Variants in PRKG1 observed in about 807,000 individuals in gnomAD.
PRKG1 encodes the protein protein kinase cGMP-dependent 1.
PRKG1 carries 35 observed loss-of-function variants against 88.1 expected under a neutral mutation model. That is an observed-to-expected ratio of 0.40 (90% confidence interval 0.30 to 0.53). PRKG1 has a LOEUF of 0.53. Ranked by LOEUF, PRKG1 falls within the 20% of genes least tolerant of loss-of-function variation. PRKG1 has a pLI of 0.59. For synonymous variants in PRKG1, 303 were observed against 292.5 expected (o/e 1.04, Z -0.37); for missense variants, 540 against 839.8 (o/e 0.64, Z 4.41).
In PRKG1 at chr10:51,616,113, C is replaced by T. The variant is rs12769516; in HGVS notation, c.592+148277C>T. Among the ~76,000 whole-genome samples the T allele has an allele frequency of 8.3e-3, 1,258 of 152,274 alleles. 15 individuals are homozygous for T. Among genetic ancestry groups the T allele is most frequent in the Non-Finnish European group, 0.013 (900 of 68,028 alleles). On this transcript the variant is annotated intron_variant, in intron 3 of 17. Coordinates refer to ENST00000373980, the MANE Select transcript of PRKG1 (RefSeq NM_006258.4). ...TATTTATTATTTCCTCAGTGACTTA[C>T]GATATGGTTATTATTGGAGGCTGTG...
chr10:51,434,726 T>G (rs565990655), intron 2 of PRKG1, among the ~76,000 whole-genome samples: 1 of 152,120 alleles, frequency 6.6e-6, no homozygotes, highest in Non-Finnish European at 1.5e-5. Flanking sequence ...ATGTTCAGAT[T>G]TATGGTTTCC....
chr10:51,107,176 G>C (rs1201023083), intron 1 of PRKG1, among the ~76,000 whole-genome samples: 1 of 152,118 alleles, frequency 6.6e-6, no homozygotes, highest in African/African-American at 2.4e-5. Flanking sequence ...GTAGGAACAA[G>C]CTTCGTGTAC....
chr10:51,057,472 G>A (rs1216611276), intron 1 of PRKG1, among the ~76,000 whole-genome samples: 4 of 152,088 alleles, frequency 2.6e-5, no homozygotes, highest in Non-Finnish European at 5.9e-5. Flanking sequence ...TCTTCAATGA[G>A]TTATCCTTAC....
chr10:51,759,567 C>G (rs1837965583), intron 3 of PRKG1, among the ~76,000 whole-genome samples: 1 of 152,168 alleles, frequency 6.6e-6, no homozygotes, highest in African/African-American at 2.4e-5. Flanking sequence ...AGACACCACG[C>G]CTGGCCTGAT....
At chr10:52,159,402 T>C (rs1033674765) in intron 8 of PRKG1, among the ~76,000 whole-genome samples, 3 of 151,518 alleles carry the variant, frequency 2.0e-5, no homozygotes, top group Non-Finnish European at 4.4e-5. Context: ...TGTTCGTTGT[T>C]TTTTAATGTG....
At chr10:51,943,249 C>T (rs1325502415) in intron 5 of PRKG1, among the ~76,000 whole-genome samples, 1 of 151,910 alleles carries the variant, frequency 6.6e-6, no homozygotes, top group African/African-American at 2.4e-5. Flanking sequence ...ATTTGGCTCT[C>T]TGTTTGTCTG....
intron 3 of PRKG1, among the ~76,000 whole-genome samples, chr10:51,797,047 A>C (rs1031158507): frequency 6.6e-6 from 1 of 151,986 alleles, no homozygotes; most frequent in African/African-American, 2.4e-5. Flanking sequence ...ATTATGAACA[A>C]AGGCATGGAG....
intron 2 of PRKG1, among the ~76,000 whole-genome samples, chr10:51,355,655 C>A (rs1168455689): frequency 6.6e-6 from 1 of 151,924 alleles, no homozygotes; most frequent in Non-Finnish European, 1.5e-5. Context: ...AAAGGATGCC[C>A]ACCCAGATTT....
chr10:51,591,480 C>T (rs989616747), intron 3 of PRKG1, among the ~76,000 whole-genome samples: 1 of 152,162 alleles, frequency 6.6e-6, no homozygotes, highest in African/African-American at 2.4e-5. Context: ...GATATCTATT[C>T]AGTCAGTAAA....
At chr10:52,036,728 G>A (rs1845621541) in intron 5 of PRKG1, among the ~76,000 whole-genome samples, 1 of 152,116 alleles carries the variant, frequency 6.6e-6, no homozygotes, top group African/African-American at 2.4e-5. Context: ...TTTAGTTAAA[G>A]TGTCTCAGCC....
At position 51,993,268 on chromosome 10, in the gene PRKG1, G is replaced by A. The variant is rs1844357189; in HGVS notation, c.763-61216G>A. Among the ~76,000 whole-genome samples the A allele has an allele frequency of 2.0e-5, 3 of 151,176 alleles. No homozygotes were observed. In the South Asian group the frequency reaches 6.2e-4, roughly 31 times the overall value. ...TTCCAAGGTTTTTATTTCCTCTTAA[G>A]TGGCTCTGGCTCAGTAGTATAGGCT... On this transcript the variant is annotated intron_variant, in intron 5 of 17. Transcript: ENST00000373980.
intron 9 of PRKG1, among the ~76,000 whole-genome samples, chr10:52,239,545 A>AT: frequency 6.9e-6 from 1 of 145,848 alleles, no homozygotes; most frequent in East Asian, 2.0e-4. Flanking sequence ...AAAAAAAAAA[A>AT]GAATTGTCAT....
intron 3 of PRKG1, among the ~76,000 whole-genome samples, chr10:51,710,594 C>A (rs529181660): frequency 6.6e-6 from 1 of 152,308 alleles, no homozygotes; most frequent in African/African-American, 2.4e-5. Context: ...ATGGTCCTTT[C>A]ACGACCAGAG....
At chr10:51,274,723 A>T (rs967647879) in intron 2 of PRKG1, among the ~76,000 whole-genome samples, 2 of 152,214 alleles carry the variant, frequency 1.3e-5, no homozygotes, top group Non-Finnish European at 2.9e-5. Context: ...AAAAGTTAAA[A>T]ATCCATTCCT....
intron 3 of PRKG1, among the ~76,000 whole-genome samples, chr10:51,482,224 C>T (rs1472574136): frequency 6.6e-6 from 1 of 152,180 alleles, no homozygotes; most frequent in Non-Finnish European, 1.5e-5. Flanking sequence ...AACGACATCC[C>T]TGTTGCTTTG....
chr10:51,826,601 T>C (rs1208324007), intron 4 of PRKG1, among the ~76,000 whole-genome samples: 2 of 152,170 alleles, frequency 1.3e-5, no homozygotes, highest in Non-Finnish European at 2.9e-5. Flanking sequence ...CTAGGACTTA[T>C]CATTTGGGAA....
At chr10:51,704,400 A>T (rs1841554246) in intron 3 of PRKG1, among the ~76,000 whole-genome samples, 1 of 152,126 alleles carries the variant, frequency 6.6e-6, no homozygotes, top group Non-Finnish European at 1.5e-5. Flanking sequence ...CAAATATTTC[A>T]TTTTACCAAG....
intron 2 of PRKG1, among the ~76,000 whole-genome samples, chr10:51,231,893 G>A (rs1020320508): frequency 8.5e-5 from 13 of 152,064 alleles, no homozygotes; most frequent in Non-Finnish European, 1.6e-4. Flanking sequence ...AAAAATACAG[G>A]TTTTCACACT....
chr10:51,705,185 A>G (rs1564614918), intron 3 of PRKG1, among the ~76,000 whole-genome samples: 1 of 151,518 alleles, frequency 6.6e-6, no homozygotes, highest in South Asian at 2.1e-4. Flanking sequence ...TCCCTCCCCC[A>G]TGTTTAAATC....
Sources: gnomAD v4.1 joint callset for allele counts (sites outside exome capture counted in the v4.1 genomes callset) on GRCh38, gnomAD v4.1.1 for gene constraint, MANE v1.5 for transcripts, NCBI Gene and HGNC (gene_info 2026-07-23, HGNC 2026-07-21) for gene names.